The following SCHIP1 variants were observed in gnomAD, a reference collection of about 807,000 sequenced individuals.
The protein encoded by SCHIP1 is schwannomin interacting protein 1, also known as schwannomin-interacting protein 1.
A neutral mutation model predicts 29.7 loss-of-function variants in SCHIP1; 8 were observed. That is an observed-to-expected ratio of 0.27 (90% confidence interval 0.16 to 0.49). The LOEUF (loss-of-function observed/expected upper bound fraction) is 0.49, where lower values mean the gene tolerates loss of function less well. Ranked by LOEUF, SCHIP1 falls within the 20% of genes least tolerant of loss-of-function variation. The pLI, the probability that SCHIP1 is intolerant of heterozygous loss-of-function variation, is 0.99. For missense variants in SCHIP1, 193 were observed against 294.6 expected, an observed-to-expected ratio of 0.66 and a Z score of 2.52; for synonymous variants, 76 against 94.9, an observed-to-expected ratio of 0.80 and a Z score of 1.16.
chr3:159,284,650 G>A, the SCHIP1 span, among the ~76,000 whole-genome samples: 2 of 151,818 alleles, frequency 1.3e-5, no homozygotes, highest in African/African-American at 4.8e-5. Context: ...CACCACACTC[G>A]GCTAATTTTT....
chr3:159,525,102 C>T, the SCHIP1 span, among the ~76,000 whole-genome samples: 1 of 152,212 alleles, frequency 6.6e-6, no homozygotes, highest in Non-Finnish European at 1.5e-5. Context: ...GGTGTTCACT[C>T]CCCATCTTCT....
At chr3:159,707,647 C>T in the SCHIP1 span, among the ~76,000 whole-genome samples, 6 of 151,984 alleles carry the variant, frequency 3.9e-5, no homozygotes, top group African/African-American at 1.5e-4. Flanking sequence ...AACCATGGTC[C>T]ACAAATCTGT....
At chr3:159,704,075 T>C in the SCHIP1 span, among the ~76,000 whole-genome samples, 9 of 152,186 alleles carry the variant, frequency 5.9e-5, no homozygotes, top group African/African-American at 2.2e-4. Context: ...TTTCCTACGT[T>C]GAGTGCCAGA....
At chr3:159,353,262 T>C in the SCHIP1 span, among the ~76,000 whole-genome samples, 1 of 151,942 alleles carries the variant, frequency 6.6e-6, no homozygotes, top group Non-Finnish European at 1.5e-5. Flanking sequence ...TGTATACATA[T>C]GTAACAAACC....
the SCHIP1 span, among the ~76,000 whole-genome samples, chr3:159,530,088 A>T: frequency 6.6e-6 from 1 of 152,024 alleles, no homozygotes; most frequent in African/African-American, 2.4e-5. Flanking sequence ...CAATATACTG[A>T]TTTCCTTTCT....
chr3:159,757,406 C>T, the SCHIP1 span, among the ~76,000 whole-genome samples: 1 of 152,166 alleles, frequency 6.6e-6, no homozygotes, highest in Non-Finnish European at 1.5e-5. Flanking sequence ...AAGAGCTGCC[C>T]CCATGATTCA....
chr3:159,717,934 G>T, the SCHIP1 span, among the ~76,000 whole-genome samples: 4 of 152,072 alleles, frequency 2.6e-5, no homozygotes, highest in Non-Finnish European at 5.9e-5. Context: ...CAAAAAAAGA[G>T]AATTTTAGAC....
chr3:159,883,811 C>A (rs1716689668), intron 2 of SCHIP1, among the ~76,000 whole-genome samples: 1 of 152,086 alleles, frequency 6.6e-6, no homozygotes. Context: ...CTACCTGCGG[C>A]GTTTTTTGAT....
At chr3:159,776,008 C>G in the SCHIP1 span, among the ~76,000 whole-genome samples, 4 of 152,172 alleles carry the variant, frequency 2.6e-5, no homozygotes, top group African/African-American at 9.7e-5. Context: ...ATAGCTTTTA[C>G]CTCTTTTCCC....
the SCHIP1 span, among the ~76,000 whole-genome samples, chr3:159,597,500 C>T: frequency 6.6e-6 from 1 of 152,160 alleles, no homozygotes; most frequent in African/African-American, 2.4e-5. Context: ...AAGTTTTTAG[C>T]TCCCACATGT....
intron 6 of SCHIP1, chr3:159,894,855 A>G (rs975302872): frequency 3.3e-5 from 5 of 152,210 alleles, no homozygotes; most frequent in South Asian, 2.1e-4. Context: ...AATGAAATTC[A>G]CTATTTTATT....
At chr3:159,645,115 C>A in the SCHIP1 span, among the ~76,000 whole-genome samples, 1 of 152,042 alleles carries the variant, frequency 6.6e-6, no homozygotes, top group Non-Finnish European at 1.5e-5. Context: ...ATTATTCCAG[C>A]GGGAAGAAAA....
At chr3:159,662,729 T>C in the SCHIP1 span, among the ~76,000 whole-genome samples, 1 of 152,328 alleles carries the variant, frequency 6.6e-6, no homozygotes, top group South Asian at 2.1e-4. Flanking sequence ...ACAATTGTTA[T>C]GTATTCCTCT....
chr3:159,473,833 GA>G, the SCHIP1 span, among the ~76,000 whole-genome samples: 1 of 151,946 alleles, frequency 6.6e-6, no homozygotes, highest in Non-Finnish European at 1.5e-5. Context: ...ATAAATTCTT[GA>G]AATCAAGAGG....
chr3:159,323,074 G>A, the SCHIP1 span, among the ~76,000 whole-genome samples: 4 of 152,104 alleles, frequency 2.6e-5, no homozygotes. Context: ...GATTAGCTTG[G>A]TTTCTCTACT....
At chr3:159,346,873 G>A in the SCHIP1 span, among the ~76,000 whole-genome samples, 1 of 152,094 alleles carries the variant, frequency 6.6e-6, no homozygotes, top group Non-Finnish European at 1.5e-5. Context: ...TAAAATCTGG[G>A]GGATATCAGT....
the SCHIP1 span, among the ~76,000 whole-genome samples, chr3:159,513,681 G>C: frequency 6.6e-6 from 1 of 152,114 alleles, no homozygotes; most frequent in South Asian, 2.1e-4. Context: ...AAGGGAGAAA[G>C]GGGCTCCAAA....
chr3:159,497,112 G>A, the SCHIP1 span, among the ~76,000 whole-genome samples: 3 of 152,084 alleles, frequency 2.0e-5, no homozygotes, highest in South Asian at 2.1e-4. Context: ...TTGTGGGGTT[G>A]GGGGAGGGAT....
chr3:159,389,862 T>C, the SCHIP1 span, among the ~76,000 whole-genome samples: 1 of 151,948 alleles, frequency 6.6e-6, no homozygotes, highest in Non-Finnish European at 1.5e-5. Flanking sequence ...ATAACTGAAA[T>C]GGTAGAAGTT....
Sources: gnomAD v4.1 joint callset for allele counts (sites outside exome capture counted in the v4.1 genomes callset) on GRCh38, gnomAD v4.1.1 for gene constraint, MANE v1.5 for transcripts, NCBI Gene and HGNC (gene_info 2026-07-23, HGNC 2026-07-21) for gene names.